The following MS4A7 variants were observed in gnomAD, a reference collection of about 807,000 sequenced individuals.
The protein encoded by MS4A7 is membrane spanning 4-domains A7.
MS4A7 carries 21 observed loss-of-function variants against 23.5 expected under a neutral mutation model. The ratio of observed to expected loss-of-function variants is 0.89; its 90% CI spans 0.63 to 1.29. The LOEUF is 1.29. Ranked by LOEUF, MS4A7 falls within the 50% of genes most tolerant of loss-of-function variation. MS4A7 has a pLI of 0.00. For missense variants in MS4A7, 263 were observed against 274.2 expected (o/e 0.96, Z 0.29); for synonymous variants, 111 against 107.4 (o/e 1.03, Z -0.21).
In MS4A7 at chr11:60,394,175, A is replaced by C. The variant is rs547087488; in HGVS notation, c.*314A>C. The C allele has an allele frequency of 4.5e-6, 1 of 222,026 alleles. No individual in the cohort carries two copies. Among genetic ancestry groups the C allele is most frequent in the Non-Finnish European group, 8.7e-6 (1 of 114,864 alleles). 13.8% of individuals were successfully genotyped at this position (222,026 alleles called of 1,614,324 possible). A position where few individuals can be genotyped will look rare whatever the true frequency, so the allele number is the denominator to read the frequency against. On this transcript the variant is annotated 3_prime_UTR_variant, in exon 7 of 7. Coordinates refer to ENST00000300184, the MANE Select transcript of MS4A7 (RefSeq NM_021201.5). ...CACTCATGCTAGTGTGAATTTGGTA[A>C]GTTGCGTGACTCTGCAGGCTGTTTC... is the stretch of plus-strand genomic sequence containing the variant.
Position 60,389,616 on chromosome 11 carries a change from A to G in MS4A7, c.546+20A>G. On this transcript the variant is annotated intron_variant, in intron 5 of 6. Transcript: ENST00000300184. ...TTAACAGTGAGTAGTTTCAGACTGA[A>G]TATCCTGTCATGTGAAATCTCTGTG... is the stretch of plus-strand genomic sequence containing the variant. The G allele has an allele frequency of 1.3e-6, 2 of 1,597,106 alleles. No homozygotes were observed. The highest frequency in any genetic ancestry group is 1.7e-6 in the Non-Finnish European group (2 of 1,166,228).
At chr11:60,385,488 C>T (rs1355370360) in intron 3 of MS4A7, among the ~76,000 whole-genome samples, 1 of 152,248 alleles carries the variant, frequency 6.6e-6, no homozygotes, top group Non-Finnish European at 1.5e-5. Context: ...GGCATTACAG[C>T]ATACCTCTAG....
chr11:60,392,812 T>C, intron 6 of MS4A7, 26 bp downstream of exon 6: 1 of 1,486,346 alleles, frequency 6.7e-7, no homozygotes, highest in Non-Finnish European at 9.4e-7. Context: ...TGTCGCCTGA[T>C]ACCTGCTGTG....
intron 1 of MS4A7, among the ~76,000 whole-genome samples, chr11:60,379,866 A>G (rs1197252563): frequency 6.6e-6 from 1 of 152,172 alleles, no homozygotes; most frequent in Non-Finnish European, 1.5e-5. Flanking sequence ...GTTCAGTGGC[A>G]TTAAGCACAT....
intron 5 of MS4A7, among the ~76,000 whole-genome samples, chr11:60,391,332 A>G (rs1280414852): frequency 2.0e-5 from 3 of 152,214 alleles, no homozygotes; most frequent in Non-Finnish European, 4.4e-5. Flanking sequence ...GATATGTGAA[A>G]CTTCTAAGGT....
rs1008601571 is a variant in MS4A7, at chr11:60,378,608, T to A, written c.-70T>A. 6.6e-6 allele frequency: 1 copy of A among 152,178 alleles called. No individual in the cohort carries two copies. Among genetic ancestry groups the A allele is most frequent in the Non-Finnish European group, 1.5e-5 (1 of 68,040 alleles). The allele number at this position is 152,178 out of a possible 1,614,324, so 9.4% of individuals were successfully genotyped here. On this transcript the variant is annotated 5_prime_UTR_variant, in exon 1 of 7. Coordinates refer to ENST00000300184, the MANE Select transcript of MS4A7 (RefSeq NM_021201.5). Reference sequence around the variant, plus strand: ...CCAGTGGGAGGTTCCAGCTGAGCGCTCCCCAGAGGTGAGCTGATCCCCAGC... The same window carrying A: ...CCAGTGGGAGGTTCCAGCTGAGCGCACCCCAGAGGTGAGCTGATCCCCAGC...
At chr11:60,387,003 A>G (rs2085498915) in intron 4 of MS4A7, among the ~76,000 whole-genome samples, 1 of 152,228 alleles carries the variant, frequency 6.6e-6, no homozygotes, top group South Asian at 2.1e-4. Context: ...CCTGGATTAT[A>G]TTCCAAGCTT....
chr11:60,380,883 A>G (rs967191100), intron 1 of MS4A7, among the ~76,000 whole-genome samples: 2 of 152,236 alleles, frequency 1.3e-5, no homozygotes, highest in Non-Finnish European at 2.9e-5. Context: ...TAGCCGGGCA[A>G]GAACAAACCT....
rs572146902 is a variant in MS4A7, at chr11:60,390,265, G to A, written c.546+669G>A. The stretch of plus-strand genomic sequence containing the variant: ...AACCTCTCTGGGCAGCATTTTCTTG[G>A]CACCTTTCTCCCAAACTTGATGATC... On this transcript the variant is annotated intron_variant, in intron 5 of 6. Transcript: ENST00000300184. 1.1e-4 allele frequency among the ~76,000 whole-genome samples: 17 copies of A among 152,250 alleles called. No individual in the cohort carries two copies. In the East Asian group the frequency reaches 3.3e-3, roughly 29 times the overall value.
At chr11:60,386,495 T>A (rs1045352072) in intron 3 of MS4A7, 5 of 448,394 alleles carry the variant, frequency 1.1e-5, no homozygotes, top group Non-Finnish European at 2.0e-5. Flanking sequence ...CTAAAACAAA[T>A]CCAACCCCTC....
Position 60,393,909 on chromosome 11 carries a change from C to A in MS4A7, c.*48C>A. ...GGAAAAGCAACTCAACACTCATGGT[C>A]AAGTGTGATTAGACTTTCCTGAAAT... On this transcript the variant is annotated 3_prime_UTR_variant, in exon 7 of 7. Coordinates refer to ENST00000300184, the MANE Select transcript of MS4A7 (RefSeq NM_021201.5). The A allele has an allele frequency of 8.0e-7, 1 of 1,250,644 alleles. No individual in the cohort carries two copies. The highest frequency in any genetic ancestry group is 1.1e-6 in the Non-Finnish European group (1 of 881,790). 77.5% of individuals were successfully genotyped at this position (1,250,644 alleles called of 1,614,324 possible).
rs534031726 is a variant in MS4A7, at chr11:60,395,804, T to C, written c.*1943T>C. ...ACTACAAAAAAAGAAAAAAGATAACTACGTGAGGTGATGGATATGTTAATT... is the reference window on the plus strand; with the variant it reads ...ACTACAAAAAAAGAAAAAAGATAACCACGTGAGGTGATGGATATGTTAATT... On this transcript the variant is annotated 3_prime_UTR_variant, in exon 7 of 7. Transcript: ENST00000300184. 19 of 152,280 alleles carry C rather than the reference T, an allele frequency of 1.2e-4. No homozygotes were observed. The highest frequency in any genetic ancestry group is 4.6e-4 in the African/African-American group (19 of 41,570). 9.4% of individuals were successfully genotyped at this position (152,280 alleles called of 1,614,324 possible).
In MS4A7 at chr11:60,391,077, A is replaced by G. The variant is rs948303395; in HGVS notation, c.546+1481A>G. On this transcript the variant is annotated intron_variant, in intron 5 of 6. Coordinates refer to ENST00000300184, the MANE Select transcript of MS4A7 (RefSeq NM_021201.5). ...ACACAGTTTTAACATCCATGACAAG[A>G]TTTGGCATTGGACAGGGCCATAAAG... 3.9e-5 allele frequency among the ~76,000 whole-genome samples: 6 copies of G among 152,294 alleles called. No homozygotes were observed. In the East Asian group the frequency reaches 9.7e-4, roughly 25 times the overall value.
Position 60,394,874 on chromosome 11 carries a change from A to C in MS4A7, c.*1013A>C. On this transcript the variant is annotated 3_prime_UTR_variant, in exon 7 of 7. Transcript: ENST00000300184. Reference sequence around the variant, plus strand: ...TCTTTGAATTCATTTATTTTAAATAAATGAATAAAATAAAATAAAAAAGAA... The same window carrying C: ...TCTTTGAATTCATTTATTTTAAATACATGAATAAAATAAAATAAAAAAGAA... 1 of 521,326 alleles carries C rather than the reference A, an allele frequency of 1.9e-6. No individual in the cohort carries two copies. Among genetic ancestry groups the C allele is most frequent in the Non-Finnish European group, 3.4e-6 (1 of 295,126 alleles). 32.3% of individuals were successfully genotyped at this position (521,326 alleles called of 1,614,324 possible).
chr11:60,389,309 A>G (rs2085523439), intron 4 of MS4A7, 81 bp from the exon 5 acceptor site: 1 of 1,154,642 alleles, frequency 8.7e-7, no homozygotes, highest in Non-Finnish European at 1.2e-6. Flanking sequence ...AGGAAGCACC[A>G]TTGCAGTACA....
Position 60,389,643 on chromosome 11 carries a change from C to A in MS4A7, c.546+47C>A, listed in dbSNP as rs148402042. ...ATCCTGTCATGTGAAATCTCTGTGT[C>A]TCCCCTTTGCATACTCTCTGCTTTT... On this transcript the variant is annotated intron_variant, in intron 5 of 6. Transcript: ENST00000300184. The A allele has an allele frequency of 3.9e-6, 6 of 1,526,120 alleles. No homozygotes were observed. In the African/African-American group the frequency reaches 5.5e-5, roughly 14 times the overall value. The allele number at this position is 1,526,120 out of a possible 1,614,324, so 94.5% of individuals were successfully genotyped here.
In MS4A7 at chr11:60,393,835, AAG is replaced by A. The variant is rs1417903146; in HGVS notation, c.700_701del (p.Ser234PhefsTer26). On this transcript the variant is annotated frameshift_variant, in exon 7 of 7. Transcript: ENST00000300184. LOFTEE classifies it high-confidence loss of function. ...ACAAGATCATATCCAACAGGTCAAAAAGAGTTCTTCACGGTCTTGGATATAAG... is the reference window on the plus strand; with the variant it reads ...ACAAGATCATATCCAACAGGTCAAAAAGTTCTTCACGGTCTTGGATATAAG... ...QSQDHIQQVK[K>X]SSSRSWI The A allele has an allele frequency of 1.2e-6, 2 of 1,611,836 alleles. No homozygotes were observed. Among genetic ancestry groups the A allele is most frequent in the Non-Finnish European group, 1.7e-6 (2 of 1,179,152 alleles).
At chr11:60,383,011 A>G (rs540350952) in intron 1 of MS4A7, 118 bp from the exon 2 acceptor site, 28 of 1,125,760 alleles carry the variant, frequency 2.5e-5, no homozygotes, top group African/African-American at 3.1e-5. Context: ...TCTGAAGGAC[A>G]ACCAGCCTTG....
At chr11:60,379,782 G>T (rs775541313) in intron 1 of MS4A7, among the ~76,000 whole-genome samples, 1 of 152,118 alleles carries the variant, frequency 6.6e-6, no homozygotes, top group South Asian at 2.1e-4. Context: ...TGATCTGCCC[G>T]CCTCGGCCTC....
Sources: allele counts gnomAD v4.1 joint callset (sites outside exome capture counted in the v4.1 genomes callset), GRCh38; gene constraint gnomAD v4.1.1; transcripts MANE v1.5; gene names NCBI Gene and HGNC (gene_info 2026-07-23, HGNC 2026-07-21).